Variants in G3BP2 observed in about 807,000 individuals in gnomAD.
G3BP2 encodes the protein ras GTPase-activating protein-binding protein 2.
In G3BP2, 11 loss-of-function variants were observed where a neutral mutation model predicts 56.7. The observed-to-expected ratio is 0.19, with a 90% CI of 0.12 to 0.32. G3BP2 has a LOEUF of 0.32. G3BP2 is among the 10% of genes least tolerant of loss of function. The pLI, the probability that G3BP2 is intolerant of heterozygous loss-of-function variation, is 1.00. For synonymous variants in G3BP2, 165 were observed against 191.6 expected (o/e 0.86, Z 1.15); for missense variants, 340 against 610.9 (o/e 0.56, Z 4.67).
At chr4:75,716,466 C>A (rs1042053912) in intron 3 of G3BP2, among the ~76,000 whole-genome samples, 1 of 150,114 alleles carries the variant, frequency 6.7e-6, no homozygotes, top group South Asian at 2.1e-4. Context: ...TGAGCCACCA[C>A]ACCCGGCCCT....
At chr4:75,694,331 G>T (rs569824334) in intron 3 of G3BP2, among the ~76,000 whole-genome samples, 1 of 152,302 alleles carries the variant, frequency 6.6e-6, no homozygotes, top group Admixed American at 6.5e-5. Flanking sequence ...GTCGGACATG[G>T]TGGCTCACGC....
chr4:75,645,643 T>C lies in G3BP2; in HGVS notation c.1236A>G (p.Ala412=). 6.2e-7 allele frequency: 1 copy of C among 1,614,050 alleles called. No individual in the cohort carries two copies. The change falls in exon 12 of 12, where the codon GCA becomes GCG. Residue 412 remains alanine (A), a synonymous_variant. Transcript: ENST00000359707. ...LNVEEKKTRA[A]RERETRGGGD... is the part of the protein sequence containing the mutation. ...CACCACCTCTGGTTTCTCGCTCTCT[T>C]GCAGCTCTTGTTTTTTTCTCTTCCA... is the stretch of plus-strand genomic sequence containing the variant.
At chr4:75,652,407 G>C (rs1731763024) in intron 8 of G3BP2, among the ~76,000 whole-genome samples, 1 of 152,136 alleles carries the variant, frequency 6.6e-6, no homozygotes, top group South Asian at 2.1e-4. Context: ...TGGATCACTT[G>C]GGTCAGGAGT....
At chr4:75,683,809 C>T (rs543350482) in intron 3 of G3BP2, among the ~76,000 whole-genome samples, 1 of 152,162 alleles carries the variant, frequency 6.6e-6, no homozygotes, top group South Asian at 2.1e-4. Flanking sequence ...CCCTGCTGGG[C>T]CTGACCCCTA....
chr4:75,647,148 T>A lies in G3BP2; in HGVS notation c.938A>T (p.Asp313Val). Residue 313 changes from aspartate (D) to valine (V), a missense_variant, in exon 10 of 12, where the codon GAT becomes GTT. Transcript: ENST00000359707. ...GTTGTCAGAGTCATTCTGTTCCATA[T>A]CTCCTCTGCCTGAGAATAGAAATAG... is the stretch of plus-strand genomic sequence containing the variant. ...PPRGPRPGRG[D>V]MEQNDSDNRR... 1 of 1,590,592 alleles carries A rather than the reference T, an allele frequency of 6.3e-7. No individual in the cohort carries two copies. Among genetic ancestry groups the A allele is most frequent in the Non-Finnish European group, 8.6e-7 (1 of 1,165,736 alleles).
intron 8 of G3BP2, among the ~76,000 whole-genome samples, chr4:75,653,102 GAAA>G (rs757052448): frequency 8.2e-6 from 1 of 121,300 alleles, no homozygotes; most frequent in Admixed American, 8.3e-5. Flanking sequence ...ATACCCAAAT[GAAA>G]AAAAAAAAAA....
intron 8 of G3BP2, among the ~76,000 whole-genome samples, chr4:75,652,016 A>G (rs1454187186): frequency 6.6e-6 from 1 of 152,242 alleles, no homozygotes; most frequent in East Asian, 1.9e-4. Context: ...CTAAAATTGA[A>G]GGATTATTAA....
intron 3 of G3BP2, among the ~76,000 whole-genome samples, chr4:75,690,520 G>A (rs1240743730): frequency 6.6e-6 from 1 of 152,150 alleles, no homozygotes; most frequent in African/African-American, 2.4e-5. Context: ...TAAGGGCTGG[G>A]GATGAGTGGG....
At chr4:75,670,721 G>A (rs1352045818) in intron 1 of G3BP2, among the ~76,000 whole-genome samples, 1 of 151,972 alleles carries the variant, frequency 6.6e-6, no homozygotes, top group Non-Finnish European at 1.5e-5. Context: ...AGGATGTTTA[G>A]AGAGCCTAAG....
chr4:75,663,610 C>T (rs1463843127), intron 1 of G3BP2, among the ~76,000 whole-genome samples: 1 of 151,948 alleles, frequency 6.6e-6, no homozygotes, highest in Admixed American at 6.6e-5. Flanking sequence ...CACCTGTAAT[C>T]CCAGCACTTT....
chr4:75,680,246 A>G (rs766915925), intron 3 of G3BP2, among the ~76,000 whole-genome samples: 16 of 152,194 alleles, frequency 1.1e-4, no homozygotes, highest in Non-Finnish European at 2.1e-4. Context: ...AATATAAAAG[A>G]GTGTGTCAGA....
chr4:75,651,619 G>A (rs1731705626), intron 8 of G3BP2, among the ~76,000 whole-genome samples: 1 of 152,072 alleles, frequency 6.6e-6, no homozygotes, highest in South Asian at 2.1e-4. Context: ...AATTCTTCAG[G>A]TCTCCAGTTT....
At chr4:75,707,470 A>G (rs1040824599) in intron 3 of G3BP2, among the ~76,000 whole-genome samples, 1 of 151,874 alleles carries the variant, frequency 6.6e-6, no homozygotes, top group African/African-American at 2.4e-5. Flanking sequence ...TTAGCCGGGC[A>G]TGGTGGCGGG....
intron 3 of G3BP2, among the ~76,000 whole-genome samples, chr4:75,690,728 T>C (rs1718821329): frequency 6.6e-6 from 1 of 152,020 alleles, no homozygotes; most frequent in African/African-American, 2.4e-5. Context: ...TGCACCACCA[T>C]GCATGGCAAA....
intron 6 of G3BP2, 93 bp from the exon 7 acceptor site, chr4:75,655,339 G>A (rs1732012073): frequency 1.2e-6 from 1 of 869,384 alleles, no homozygotes. Context: ...CTAGTTATAT[G>A]CCAATAACTT....
Position 75,673,320 on chromosome 4 carries a change from C to A in G3BP2, c.-137G>T, listed in dbSNP as rs1035255400. The stretch of plus-strand genomic sequence containing the variant: ...CCCCCTTCCTCCGACAACTCGGAAG[C>A]CTCGGAAGCCGGAGAGCCGCGAGTT... On this transcript the variant is annotated 5_prime_UTR_variant, in exon 1 of 12. Coordinates refer to ENST00000359707, the MANE Select transcript of G3BP2 (RefSeq NM_203505.3). 2 of 1,229,206 alleles carry A rather than the reference C, an allele frequency of 1.6e-6. No individual in the cohort carries two copies. The highest frequency in any genetic ancestry group is 1.6e-5 in the African/African-American group (1 of 63,844). The allele number at this position is 1,229,206 out of a possible 1,614,324, so 76.1% of individuals were successfully genotyped here.
Position 75,720,022 on chromosome 4 carries a change from C to CTTTTTTTTTTTTTTTTTTTTT in G3BP2, c.-25+854_-25+855insAAAAAAAAAAAAAAAAAAAAA, listed in dbSNP as rs67468716. 7.2e-5 allele frequency among the ~76,000 whole-genome samples: 7 copies of CTTTTTTTTTTTTTTTTTTTTT among 97,320 alleles called. 1 individual carries two copies. The highest frequency in any genetic ancestry group is 7.6e-5 in the Non-Finnish European group (4 of 52,462). 63.8% of individuals were successfully genotyped at this position (97,320 alleles called of 152,430 possible). Reference sequence around the variant, plus strand: ...GAGCAGGATGGGGGGGCCCAGAACCCTTTTTTTTTTTTGAGAAAGGGTCTC... The same window carrying CTTTTTTTTTTTTTTTTTTTTT: ...GAGCAGGATGGGGGGGCCCAGAACCCTTTTTTTTTTTTTTTTTTTTTTTTTTTTTTTTTGAGAAAGGGTCTC... On this transcript the variant is annotated intron_variant, in intron 3 of 3. Coordinates refer to the G3BP2 transcript ENST00000499709.
chr4:75,718,794 G>T (rs558599038), intron 3 of G3BP2, among the ~76,000 whole-genome samples: 2 of 152,208 alleles, frequency 1.3e-5, no homozygotes, highest in Admixed American at 1.3e-4. Flanking sequence ...TCTTAGGAGA[G>T]AGGTTGGGAG....
At chr4:75,718,129 C>T (rs1289949977) in intron 3 of G3BP2, among the ~76,000 whole-genome samples, 13 of 129,270 alleles carry the variant, frequency 1.0e-4, no homozygotes, top group African/African-American at 1.4e-4. Context: ...AATGAGACTC[C>T]GTCGCAAAAA....
Sources: allele counts gnomAD v4.1 joint callset (sites outside exome capture counted in the v4.1 genomes callset), GRCh38; gene constraint gnomAD v4.1.1; transcripts MANE v1.5; gene names NCBI Gene and HGNC (gene_info 2026-07-23, HGNC 2026-07-21).